MYO7A: variants seen among roughly 807,000 people sequenced by gnomAD.
MYO7A encodes the protein unconventional myosin-VIIa.
MYO7A carries 210 observed loss-of-function variants against 263.8 expected under a neutral mutation model. The observed-to-expected ratio is 0.80, with a 90% CI of 0.71 to 0.89. The LOEUF is 0.89. MYO7A is among the 40% of genes least tolerant of loss of function. The pLI is 0.00. For missense variants in MYO7A, 2,820 were observed against 2,968.3 expected, an observed-to-expected ratio of 0.95 and a Z score of 1.16; for synonymous variants, 1,239 against 1,197.3, an observed-to-expected ratio of 1.03 and a Z score of -0.72.
rs781058952 is a variant in MYO7A at position 77,192,057 on chromosome 11, T to C, written c.3931T>C (p.Ser1311Pro). ...CTCCCCTCTGTGCCCACAGGTGTCC[T>C]CCCTGGGCAGCGGCAGTGACCACGT... ...LYIALFDKVS[S>P]LGSGSDHVMD... The change falls in exon 31 of 49, where the codon TCC (serine) becomes CCC (proline). Residue 1311 changes from serine (S) to proline (P), a missense_variant. Physicochemically the swap from Ser to Pro is moderately conservative, Grantham distance 74. Transcript: ENST00000409709. 42 of 1,612,860 alleles carry C rather than the reference T, an allele frequency of 2.6e-5. No homozygotes were observed. The South Asian group carries it at 4.6e-4, about 18-fold the overall frequency.
intron 4 of MYO7A, among the ~76,000 whole-genome samples, chr11:77,152,039 C>G (rs1156371044): frequency 1.3e-5 from 2 of 152,194 alleles, no homozygotes; most frequent in East Asian, 3.8e-4. Context: ...ATCACACCTC[C>G]AGAGGCCTTC....
intron 2 of MYO7A, 65 bp downstream of exon 2, chr11:77,130,717 T>C: frequency 6.4e-7 from 1 of 1,564,768 alleles, no homozygotes; most frequent in Non-Finnish European, 8.8e-7. Flanking sequence ...TCCATATGCT[T>C]ACCCGTGGGA....
At chr11:77,188,057 G>A (rs934777584) in intron 27 of MYO7A, among the ~76,000 whole-genome samples, 2 of 152,210 alleles carry the variant, frequency 1.3e-5, no homozygotes, top group Non-Finnish European at 2.9e-5. Flanking sequence ...CATACCTAAA[G>A]CTGACACTTC....
At chr11:77,159,168 G>A (rs2135265908) in intron 9 of MYO7A, among the ~76,000 whole-genome samples, 2 of 152,342 alleles carry the variant, frequency 1.3e-5, no homozygotes, top group Middle Eastern at 3.4e-3. Flanking sequence ...GGAGTGGGGA[G>A]AGAGCTGCAA....
chr11:77,181,960 CGAGGGCGGAGG>C lies in MYO7A; in HGVS notation c.2918_2928del (p.Gly973AspfsTer14). The C allele has an allele frequency of 6.2e-7, 1 of 1,612,874 alleles. No homozygotes were observed. On this transcript the variant is annotated frameshift_variant, in exon 24 of 49. Coordinates refer to ENST00000409709, the MANE Select transcript of MYO7A (RefSeq NM_000260.4). LOFTEE classifies it high-confidence loss of function. ...CTCTTGTCTCCTTCAGGACCTGGAGCGAGGGCGGAGGGAGATGGTGGAGGAGGACCTGGATG... is the reference window on the plus strand; with the variant it reads ...CTCTTGTCTCCTTCAGGACCTGGAGCGAGATGGTGGAGGAGGACCTGGATG...
intron 29 of MYO7A, 44 bp downstream of exon 29, chr11:77,190,183 C>A (rs763112053): frequency 6.7e-7 from 1 of 1,503,284 alleles, no homozygotes; most frequent in East Asian, 2.5e-5. Flanking sequence ...TGTGTGCGCA[C>A]GTGTGTAAAT....
In MYO7A at chr11:77,208,681, C is replaced by A; in HGVS notation, c.5945-16C>A. 6.4e-7 allele frequency: 1 copy of A among 1,559,008 alleles called. No individual in the cohort carries two copies. Among genetic ancestry groups the A allele is most frequent in the East Asian group, 2.4e-5 (1 of 42,232 alleles). ...GTGCAGGGACCCTCTGGGTGACCGA[C>A]TGCCCTGTGCTGCAGGAATTGTGCC... On this transcript the variant is annotated splice_polypyrimidine_tract_variant and intron_variant, in intron 43 of 48. Coordinates refer to ENST00000409709, the MANE Select transcript of MYO7A (RefSeq NM_000260.4).
At position 77,162,102 on chromosome 11, in the gene MYO7A, A is replaced by G. The variant is rs782769954; in HGVS notation, c.1344-18A>G. 2 of 1,583,098 alleles carry G rather than the reference A, an allele frequency of 1.3e-6. No individual in the cohort carries two copies. Among genetic ancestry groups the G allele is most frequent in the Admixed American group, 1.8e-5 (1 of 55,546 alleles). On this transcript the variant is annotated intron_variant, in intron 12 of 48. Transcript: ENST00000409709. The stretch of plus-strand genomic sequence containing the variant: ...GGGGCCTGAACAACACCCTTACCCC[A>G]TCCCTGTGCCCCTGCAGCTTTGAGC...
In MYO7A at chr11:77,212,947, TC is replaced by T; in HGVS notation, c.6355-4del. 1 of 1,586,946 alleles carries T rather than the reference TC, an allele frequency of 6.3e-7. No homozygotes were observed. Among genetic ancestry groups the T allele is most frequent in the Non-Finnish European group, 8.6e-7 (1 of 1,165,580 alleles). On this transcript the variant is annotated splice_region_variant and splice_polypyrimidine_tract_variant and intron_variant, in intron 46 of 48. Transcript: ENST00000409709. ...CATCTGATGCCTTCTCATCTTTTTT[TC>T]TAGCAAACTACGGAGCCAAACTTCC... is the stretch of plus-strand genomic sequence containing the variant.
chr11:77,152,077 G>GA (rs1216048643), intron 4 of MYO7A, among the ~76,000 whole-genome samples: 9 of 152,212 alleles, frequency 5.9e-5, no homozygotes, highest in Non-Finnish European at 1.2e-4. Context: ...TGATGGGGTG[G>GA]GAGCTGCAAA....
At chr11:77,171,245 TTG>T (rs140232157) in intron 15 of MYO7A, among the ~76,000 whole-genome samples, 60 of 150,354 alleles carry the variant, frequency 4.0e-4, no homozygotes, top group Non-Finnish European at 4.2e-4. Flanking sequence ...TGTGTGTGTG[TTG>T]TGTGTGTGTG....
chr11:77,182,059 G>T lies in MYO7A; in HGVS notation c.3013G>T (p.Ala1005Ser), dbSNP rs782471298. 3.1e-6 allele frequency: 5 copies of T among 1,613,336 alleles called. No homozygotes were observed. Among genetic ancestry groups the T allele is most frequent in the African/African-American group, 1.3e-5 (1 of 74,996 alleles). Residue 1005 changes from alanine (A) to serine (S), a missense_variant, in exon 24 of 49, where the codon GCG (alanine) becomes TCG (serine). Transcript: ENST00000409709. Reference sequence around the variant, plus strand: ...CTCTGAGTATAAATTTGCCAAGTTCGCGGCCACCTACTTCCAGGGGACAAC... The same window carrying T: ...CTCTGAGTATAAATTTGCCAAGTTCTCGGCCACCTACTTCCAGGGGACAAC... The part of the protein sequence containing the change: ...DLSEYKFAKF[A>S]ATYFQGTTTH...
intron 32 of MYO7A, among the ~76,000 whole-genome samples, chr11:77,196,341 G>A (rs1334697854): frequency 6.6e-6 from 1 of 150,434 alleles, no homozygotes; most frequent in Non-Finnish European, 1.5e-5. Flanking sequence ...ACTCCAGCCT[G>A]GGGGACAAGA....
chr11:77,174,053 T>A (rs1339334811), intron 16 of MYO7A, among the ~76,000 whole-genome samples: 6 of 151,890 alleles, frequency 4.0e-5, no homozygotes, highest in South Asian at 2.1e-4. Context: ...CCAGTGACAT[T>A]GTTCTCAAAT....
Position 77,181,782 on chromosome 11 carries a change from T to G in MYO7A, c.2905-169T>G, listed in dbSNP as rs28570190. Among the ~76,000 whole-genome samples the G allele has an allele frequency of 6.6e-4, 77 of 117,006 alleles. 1 individual carries two copies. The highest frequency in any genetic ancestry group is 1.1e-3 in the Non-Finnish European group (62 of 54,790). The allele number at this position is 117,006 out of a possible 152,430, so 76.8% of individuals were successfully genotyped here. ...CCCTTCTCAAGTTTTTTTTTTTGTT[T>G]TTTTTTTTTTTTTTTTTTTTGAGAT... is the stretch of plus-strand genomic sequence containing the variant. On this transcript the variant is annotated intron_variant, in intron 23 of 48. Coordinates refer to ENST00000409709, the MANE Select transcript of MYO7A (RefSeq NM_000260.4).
Position 77,208,751 on chromosome 11 carries a change from C to A in MYO7A, c.5999C>A (p.Thr2000Asn). The change falls in exon 44 of 49, where the codon ACC (threonine) becomes AAC (asparagine). Residue 2000 changes from threonine (T) to asparagine (N), a missense_variant. Transcript: ENST00000409709. ...QVFFMKKLWT[T>N]TVPGKDPMAD... ...TTCTTCATGAAGAAGCTGTGGACCA[C>A]CACGGTGCCAGGGAAGGATCCCATG... is the stretch of plus-strand genomic sequence containing the variant. The A allele has an allele frequency of 1.3e-6, 2 of 1,584,308 alleles. No individual in the cohort carries two copies. The highest frequency in any genetic ancestry group is 1.8e-5 in the Admixed American group (1 of 55,982).
At chr11:77,172,685 G>T in intron 15 of MYO7A, 63 bp from the exon 16 acceptor site, 3 of 1,541,656 alleles carry the variant, frequency 1.9e-6, no homozygotes, top group South Asian at 2.4e-5. Context: ...CCTACTGGGC[G>T]GCTCCTGGGA....
rs1555084265 is a variant in MYO7A at position 77,181,517 on chromosome 11, C to T, written c.2832C>T (p.Asp944=). 5 of 1,613,546 alleles carry T rather than the reference C, an allele frequency of 3.1e-6. No individual in the cohort carries two copies. The highest frequency in any genetic ancestry group is 4.2e-6 in the Non-Finnish European group (5 of 1,179,880). The change falls in exon 23 of 49, where the codon GAC becomes GAT. Residue 944 remains aspartate (D), a synonymous_variant. Coordinates refer to ENST00000409709, the MANE Select transcript of MYO7A (RefSeq NM_000260.4). ...CTGTCAATCACTCAGACATGGTGGACAAGATGTTTGGCTTCCTGGGGACTT... is the reference window on the plus strand; with the variant it reads ...CTGTCAATCACTCAGACATGGTGGATAAGATGTTTGGCTTCCTGGGGACTT... ...HEPVNHSDMV[D]KMFGFLGTSG... is the part of the protein sequence containing the mutation.
At chr11:77,196,659 A>T (rs949711535) in intron 32 of MYO7A, among the ~76,000 whole-genome samples, 1 of 152,036 alleles carries the variant, frequency 6.6e-6, no homozygotes. Flanking sequence ...GAGTCATTTG[A>T]GCTTGGGTTG....
Sources: gnomAD v4.1 joint callset for allele counts (sites outside exome capture counted in the v4.1 genomes callset) on GRCh38, gnomAD v4.1.1 for gene constraint, MANE v1.5 for transcripts, NCBI Gene and HGNC (gene_info 2026-07-23, HGNC 2026-07-21) for gene names.